Variants in TNKS2 observed in about 807,000 individuals in gnomAD.
The protein encoded by TNKS2 is tankyrase 2.
Under a neutral mutation model 137.6 loss-of-function variants are expected in TNKS2, and 72 were observed. The observed-to-expected ratio is 0.52, with a 90% CI of 0.43 to 0.64. The LOEUF (loss-of-function observed/expected upper bound fraction) is 0.64, where lower values mean the gene tolerates loss of function less well. Among genes scored for constraint, TNKS2 ranks in the 30% least tolerant of loss-of-function variants. The probability of loss-of-function intolerance (pLI) is 0.00; values close to 1 mark genes in which losing one functional copy is unlikely to be tolerated. For missense variants in TNKS2, 1,049 were observed against 1,410.2 expected (o/e 0.74, Z 4.10); for synonymous variants, 516 against 512.1 (o/e 1.01, Z -0.10).
intron 2 of TNKS2, among the ~76,000 whole-genome samples, chr10:91,815,306 T>C (rs951301730): frequency 6.6e-6 from 1 of 152,208 alleles, no homozygotes. Flanking sequence ...TGAAATGAGG[T>C]CATTTATAAA....
At chr10:91,819,175 T>C in intron 3 of TNKS2, 95 bp from the exon 4 acceptor site, 1 of 712,452 alleles carries the variant, frequency 1.4e-6, no homozygotes, top group Non-Finnish European at 2.2e-6. Context: ...TGTTTCCAAA[T>C]TTATCTACTT....
At chr10:91,810,613 C>T (rs1844464825) in intron 1 of TNKS2, among the ~76,000 whole-genome samples, 2 of 151,254 alleles carry the variant, frequency 1.3e-5, no homozygotes, top group African/African-American at 4.9e-5. Flanking sequence ...TGCCATTCTC[C>T]TGCCTCAACC....
chr10:91,798,931 C>G (rs774539363), intron 1 of TNKS2, 42 bp downstream of exon 1: 40 of 1,327,996 alleles, frequency 3.0e-5, no homozygotes, highest in Non-Finnish European at 3.5e-5. Flanking sequence ...CCAGACCCCA[C>G]CTGCGCAGCC....
chr10:91,855,625 A>G lies in TNKS2; in HGVS notation c.2925A>G (p.Thr975=), dbSNP rs1842685510. The change falls in exon 23 of 27, where the codon ACA becomes ACG. Residue 975 remains threonine (T), a synonymous_variant. Transcript: ENST00000371627. ...FQSVEEEMQS[T]VREHRDGGHA... Reference sequence around the variant, plus strand: ...CATTTTTCTGACAGATGCAAAGTACAGTTCGAGAGCACAGAGATGGAGGTC... The same window carrying G: ...CATTTTTCTGACAGATGCAAAGTACGGTTCGAGAGCACAGAGATGGAGGTC... 9 of 1,611,236 alleles carry G rather than the reference A, an allele frequency of 5.6e-6. No homozygotes were observed. The highest frequency in any genetic ancestry group is 7.6e-6 in the Non-Finnish European group (9 of 1,178,748).
intron 1 of TNKS2, among the ~76,000 whole-genome samples, chr10:91,806,911 A>G (rs1216050954): frequency 2.6e-5 from 4 of 152,170 alleles, no homozygotes; most frequent in African/African-American, 9.7e-5. Flanking sequence ...AAACAATTAC[A>G]TGTTTTACCT....
chr10:91,814,616 T>G (rs1051432334), intron 2 of TNKS2, among the ~76,000 whole-genome samples: 1 of 152,194 alleles, frequency 6.6e-6, no homozygotes, highest in Admixed American at 6.5e-5. Context: ...TATACAGATA[T>G]ACCATTTCTT....
Position 91,851,230 on chromosome 10 carries a change from A to G in TNKS2, c.2709A>G (p.Val903=), listed in dbSNP as rs780949269. 2 of 1,613,712 alleles carry G rather than the reference A, an allele frequency of 1.2e-6. No homozygotes were observed. Among genetic ancestry groups the G allele is most frequent in the South Asian group, 1.1e-5 (1 of 90,958 alleles). Residue 903 remains valine, a synonymous_variant, in exon 21 of 27, where the codon GTA becomes GTG. Transcript: ENST00000371627. The part of the protein sequence containing the change: ...IFEREQITLD[V]LVEMGHKELK... ...TCTTTTGTAAGATCACTTTGGATGT[A>G]TTAGTTGAGATGGGGCACAAGGAGC... is the stretch of plus-strand genomic sequence containing the variant.
At chr10:91,842,005 A>G (rs1027467856) in intron 15 of TNKS2, among the ~76,000 whole-genome samples, 167 bp from the exon 16 acceptor site, 1 of 152,132 alleles carries the variant, frequency 6.6e-6, no homozygotes, top group African/African-American at 2.4e-5. Flanking sequence ...TATTCTTTTT[A>G]TAATAATTCT....
chr10:91,830,946 T>C lies in TNKS2; in HGVS notation c.1128T>C (p.Tyr376=), dbSNP rs1845226118. The change falls in exon 10 of 27, where the codon TAT becomes TAC. Residue 376 remains tyrosine (Y), a synonymous_variant. Coordinates refer to ENST00000371627, the MANE Select transcript of TNKS2 (RefSeq NM_025235.4). ...TALHCAAASP[Y]PKRKQICELL... Reference sequence around the variant, plus strand: ...AGCATTGTGCTGCTGCATCTCCATATCCCAAAAGAAAGCAAATATGTGAAC... The same window carrying C: ...AGCATTGTGCTGCTGCATCTCCATACCCCAAAAGAAAGCAAATATGTGAAC... 2 of 1,610,524 alleles carry C rather than the reference T, an allele frequency of 1.2e-6. No homozygotes were observed. Among genetic ancestry groups the C allele is most frequent in the Admixed American group, 3.3e-5 (2 of 59,844 alleles).
At chr10:91,821,859 G>A (rs1045271328) in intron 6 of TNKS2, among the ~76,000 whole-genome samples, 10 of 152,172 alleles carry the variant, frequency 6.6e-5, no homozygotes, top group African/African-American at 2.4e-4. Context: ...GCCTAGAGAG[G>A]GAGCCAGATA....
In TNKS2 at chr10:91,848,486, C is replaced by A; in HGVS notation, c.2462C>A (p.Thr821Asn). ...VLNGVRSPGATADALSSGPSS... is the reference protein window; with the variant it reads ...VLNGVRSPGANADALSSGPSS... ...AATGGTGTGAGAAGCCCAGGAGCCA[C>A]TGCAGATGCTCTCTCTTCAGGTCCA... The change falls in exon 19 of 27, where the codon ACT becomes AAT. Residue 821 changes from threonine (T) to asparagine (N), a missense_variant. By Grantham distance (65) the Thr-to-Asn change is moderately conservative. This residue lies in a region of TNKS2 where 208 missense variants were observed against 231.2 expected (regional missense o/e 0.90). Coordinates refer to ENST00000371627, the MANE Select transcript of TNKS2 (RefSeq NM_025235.4). The A allele has an allele frequency of 6.2e-7, 1 of 1,614,184 alleles. No individual in the cohort carries two copies. Among genetic ancestry groups the A allele is most frequent in the South Asian group, 1.1e-5 (1 of 91,082 alleles).
Position 91,841,425 on chromosome 10 carries a change from G to A in TNKS2, c.1816G>A (p.Glu606Lys). 1 of 1,607,936 alleles carries A rather than the reference G, an allele frequency of 6.2e-7. No homozygotes were observed. The highest frequency in any genetic ancestry group is 1.1e-5 in the South Asian group (1 of 89,870). ...TGAAGCAGCAGCAAAAGGAAAATAT[G>A]AAATTTGCAAACTTCTGCTCCAGGT... ...LHEAAAKGKY[E>K]ICKLLLQHGA... The change falls in exon 15 of 27, where the codon GAA (glutamate) becomes AAA (lysine). Residue 606 changes from glutamate (E) to lysine (K), a missense_variant. Physicochemically the swap from Glu to Lys is moderately conservative, Grantham distance 56. Transcript: ENST00000371627.
chr10:91,801,027 T>C (rs965488184), intron 1 of TNKS2, among the ~76,000 whole-genome samples: 1 of 152,170 alleles, frequency 6.6e-6, no homozygotes, highest in African/African-American at 2.4e-5. Flanking sequence ...AGTGAGCTAT[T>C]GGAGGTGATG....
rs1464255939 is a variant in TNKS2, at chr10:91,807,120, C to A, written c.200-5863C>A. The A allele has an allele frequency of 6.1e-6, 9 of 1,469,516 alleles. No homozygotes were observed. In the Admixed American group the frequency reaches 6.9e-5, roughly 11 times the overall value. 91.0% of individuals were successfully genotyped at this position (1,469,516 alleles called of 1,614,324 possible). A position where few individuals can be genotyped will look rare whatever the true frequency, so the allele number is the denominator to read the frequency against. On this transcript the variant is annotated intron_variant, in intron 1 of 26. Transcript: ENST00000371627. ...AAAGTACTTTCTGTCCCAACACTTT[C>A]TCTAATTCAAAAGATATTTACTTCC...
Position 91,819,471 on chromosome 10 carries a change from T to C in TNKS2, c.558-11T>C. ...AGAATGCAAATTACTAATACTTTTT[T>C]TGTATTCTAGGAGTGGCAATGAAGA... On this transcript the variant is annotated splice_polypyrimidine_tract_variant and intron_variant, in intron 4 of 26. Transcript: ENST00000371627. The C allele has an allele frequency of 1.3e-6, 2 of 1,569,336 alleles. No homozygotes were observed. The highest frequency in any genetic ancestry group is 8.6e-7 in the Non-Finnish European group (1 of 1,163,764).
In TNKS2 at chr10:91,818,828, C is replaced by T. The variant is rs557420905; in HGVS notation, c.521-442C>T. Among the ~76,000 whole-genome samples, 68 of 152,222 alleles carry T rather than the reference C, an allele frequency of 4.5e-4. 1 individual carries two copies. In the South Asian group the frequency reaches 0.014, roughly 31 times the overall value. Reference sequence around the variant, plus strand: ...GATTACAGACATGAGCCAATACACCCGGACATTTTTAGGTTTGGAACAAAG... The same window carrying T: ...GATTACAGACATGAGCCAATACACCTGGACATTTTTAGGTTTGGAACAAAG... On this transcript the variant is annotated intron_variant, in intron 3 of 26. Transcript: ENST00000371627.
chr10:91,835,592 C>CTT (rs35247985), intron 12 of TNKS2, among the ~76,000 whole-genome samples: 9 of 109,420 alleles, frequency 8.2e-5, no homozygotes, highest in African/African-American at 1.8e-4. Context: ...CCCGGCCTTT[C>CTT]TTTTTTTTTT....
intron 2 of TNKS2, among the ~76,000 whole-genome samples, chr10:91,814,047 T>C (rs1844593986): frequency 6.6e-6 from 1 of 152,096 alleles, no homozygotes; most frequent in Non-Finnish European, 1.5e-5. Flanking sequence ...AAAAAAAAAG[T>C]TAACTGTAAA....
At chr10:91,836,099 A>G (rs1288954063) in intron 12 of TNKS2, among the ~76,000 whole-genome samples, 1 of 135,996 alleles carries the variant, frequency 7.4e-6, no homozygotes, top group Non-Finnish European at 1.5e-5. Flanking sequence ...CTAGGGTGCA[A>G]TGGCGTTATC....
Sources: allele counts gnomAD v4.1 joint callset (sites outside exome capture counted in the v4.1 genomes callset), GRCh38; gene constraint gnomAD v4.1.1; regional missense constraint gnomAD v4.1.1; transcripts MANE v1.5; gene names NCBI Gene and HGNC (gene_info 2026-07-23, HGNC 2026-07-21).